The following STOX1 variants were observed in gnomAD, a reference collection of about 807,000 sequenced individuals.
STOX1 encodes storkhead box 1, also known as storkhead-box protein 1.
In STOX1, 57 loss-of-function variants were observed where a neutral mutation model predicts 74.8. The observed-to-expected ratio is 0.76, with a 90% CI of 0.62 to 0.95. The LOEUF is 0.95. Among genes scored for constraint, STOX1 ranks in the 40% least tolerant of loss-of-function variants. The pLI is 0.00. For missense variants in STOX1, 1,010 were observed against 1,117.0 expected, an observed-to-expected ratio of 0.90 and a Z score of 1.37; for synonymous variants, 375 against 401.3, an observed-to-expected ratio of 0.93 and a Z score of 0.78.
At chr10:68,838,318 C>T (rs1297918614) in intron 1 of STOX1, among the ~76,000 whole-genome samples, 2 of 152,052 alleles carry the variant, frequency 1.3e-5, no homozygotes, top group Admixed American at 6.6e-5. Flanking sequence ...TCTTCCGTCT[C>T]GGCCTCCCAA....
chr10:68,864,388 T>G (rs940268980), intron 1 of STOX1, among the ~76,000 whole-genome samples: 2 of 152,216 alleles, frequency 1.3e-5, no homozygotes, highest in African/African-American at 4.8e-5. Context: ...TTTCAAAAAT[T>G]GAAACAGTTT....
intron 1 of STOX1, chr10:68,828,965 G>A (rs1839337727): frequency 7.1e-6 from 7 of 985,358 alleles, no homozygotes; most frequent in Non-Finnish European, 6.0e-6. Flanking sequence ...CCCGTGAGTG[G>A]TCTCTGACTC....
intron 1 of STOX1, among the ~76,000 whole-genome samples, chr10:68,830,868 C>T (rs1433664248): frequency 1.3e-5 from 2 of 152,092 alleles, no homozygotes; most frequent in African/African-American, 2.4e-5. Context: ...CTTTGAATAG[C>T]GTTGCTAATT....
In STOX1 at chr10:68,885,673, C is replaced by T. The variant is rs1840929826; in HGVS notation, c.1877C>T (p.Ser626Phe). The change falls in exon 3 of 4, where the codon TCC becomes TTC. Residue 626 changes from serine (S) to phenylalanine (F), a missense_variant. Ser to Phe is a radical substitution (Grantham distance 155). Coordinates refer to ENST00000298596, the MANE Select transcript of STOX1 (RefSeq NM_152709.5). ...VIPEVLRKSH[S>F]HFDKLGETKQ... ...CCTGAAGTCTTGAGGAAAAGTCATT[C>T]CCACTTTGACAAATTAGGGGAGACC... is the stretch of plus-strand genomic sequence containing the variant. 1 of 1,613,956 alleles carries T rather than the reference C, an allele frequency of 6.2e-7. No homozygotes were observed. The highest frequency in any genetic ancestry group is 1.3e-5 in the African/African-American group (1 of 74,900).
chr10:68,873,743 C>T (rs1353852248), intron 1 of STOX1, among the ~76,000 whole-genome samples: 2 of 148,046 alleles, frequency 1.4e-5, no homozygotes, highest in African/African-American at 2.5e-5. Context: ...CTCCACCTCC[C>T]GGGTTCAAGC....
chr10:68,829,904 T>C (rs965230434), intron 1 of STOX1, among the ~76,000 whole-genome samples: 21 of 152,258 alleles, frequency 1.4e-4, no homozygotes, highest in African/African-American at 4.6e-4. Flanking sequence ...GAAAAACTCT[T>C]TTCAGTTCTG....
chr10:68,883,115 C>T (rs568957512), intron 2 of STOX1, among the ~76,000 whole-genome samples: 161 of 151,966 alleles, frequency 1.1e-3, no homozygotes, highest in African/African-American at 3.4e-3. Flanking sequence ...TGGTGGCTCA[C>T]GCCTGTAATC....
At chr10:68,848,362 C>G (rs1298556442) in intron 1 of STOX1, among the ~76,000 whole-genome samples, 1 of 152,192 alleles carries the variant, frequency 6.6e-6, no homozygotes, top group Non-Finnish European at 1.5e-5. Flanking sequence ...GCCACCTAAG[C>G]CCAGTGGCCT....
intron 1 of STOX1, among the ~76,000 whole-genome samples, chr10:68,845,506 C>G (rs188471767): frequency 1.4e-3 from 218 of 151,652 alleles, no homozygotes; most frequent in Middle Eastern, 0.01. Context: ...GATCTCCTGA[C>G]CTCGTGATCC....
rs764960002 is a variant in STOX1, at chr10:68,885,514, C to A, written c.1718C>A (p.Pro573His). Residue 573 changes from proline to histidine, a missense_variant, in exon 3 of 4, where the codon CCC becomes CAC. Physicochemically the swap from Pro to His is moderately conservative, Grantham distance 77. Transcript: ENST00000298596. ...TACATAAATGACCCTACTGTCAAAC[C>A]CATCAATGATGACTTCAGAGGTCAC... ...SIYINDPTVK[P>H]INDDFRGHLF... is the part of the protein sequence containing the mutation. 6.2e-7 allele frequency: 1 copy of A among 1,614,150 alleles called. No individual in the cohort carries two copies. Among genetic ancestry groups the A allele is most frequent in the South Asian group, 1.1e-5 (1 of 91,080 alleles).
At chr10:68,860,495 G>A (rs1246273324) in intron 1 of STOX1, among the ~76,000 whole-genome samples, 1 of 149,136 alleles carries the variant, frequency 6.7e-6, no homozygotes, top group African/African-American at 2.5e-5. Context: ...GCTTGAACCT[G>A]GGAGGCAGAG....
chr10:68,863,395 T>C (rs1369147616), intron 1 of STOX1, among the ~76,000 whole-genome samples: 1 of 151,738 alleles, frequency 6.6e-6, no homozygotes, highest in African/African-American at 2.4e-5. Flanking sequence ...TCTTCCTGGG[T>C]ATCTGGCTCA....
At chr10:68,834,448 A>T (rs576216578) in intron 1 of STOX1, among the ~76,000 whole-genome samples, 1 of 152,148 alleles carries the variant, frequency 6.6e-6, no homozygotes, top group Non-Finnish European at 1.5e-5. Flanking sequence ...GAGTGGTCTG[A>T]TTCCTATTCT....
intron 3 of STOX1, among the ~76,000 whole-genome samples, chr10:68,887,323 C>T (rs1162404887): frequency 1.3e-5 from 2 of 152,164 alleles, no homozygotes; most frequent in Non-Finnish European, 2.9e-5. Context: ...GTTCTTGTCA[C>T]CCAGGCTGGA....
chr10:68,869,064 C>T lies in STOX1; in HGVS notation c.311-12894C>T, dbSNP rs114149980. On this transcript the variant is annotated intron_variant, in intron 1 of 3. Transcript: ENST00000298596. ...CCGTGCTGCCTTAGTGGCCCAAGGC[C>T]CTATGAGGAACAGTCTGGCTCTTCT... Among the ~76,000 whole-genome samples the T allele has an allele frequency of 3.4e-3, 514 of 152,316 alleles. 6 individuals carry two copies. Among genetic ancestry groups the T allele is most frequent in the African/African-American group, 0.012 (487 of 41,574 alleles).
intron 1 of STOX1, among the ~76,000 whole-genome samples, chr10:68,833,170 C>T (rs762002459): frequency 6.7e-6 from 1 of 148,850 alleles, no homozygotes. Flanking sequence ...ACTGCAACCT[C>T]TGCTTCCCAG....
In STOX1 at chr10:68,884,352, A is replaced by G. The variant is rs1455187757; in HGVS notation, c.556A>G (p.Ile186Val). 3.7e-6 allele frequency: 6 copies of G among 1,614,036 alleles called. No individual in the cohort carries two copies. The highest frequency in any genetic ancestry group is 1.3e-5 in the African/African-American group (1 of 74,942). Residue 186 changes from isoleucine (I) to valine (V), a missense_variant, in exon 3 of 4, where the codon ATA becomes GTA. By Grantham distance (29) the Ile-to-Val change is conservative (BLOSUM62 3). Coordinates refer to ENST00000298596, the MANE Select transcript of STOX1 (RefSeq NM_152709.5). ...KIYHTGEGYFIVTPQTYFITN... is the reference protein window; with the variant it reads ...KIYHTGEGYFVVTPQTYFITN... ...TTATCACACTGGAGAAGGATACTTCATAGTTACTCCTCAGACTTACTTCAT... is the reference window on the plus strand; with the variant it reads ...TTATCACACTGGAGAAGGATACTTCGTAGTTACTCCTCAGACTTACTTCAT...
chr10:68,871,358 C>A (rs1236257622), intron 1 of STOX1, among the ~76,000 whole-genome samples: 1 of 152,140 alleles, frequency 6.6e-6, no homozygotes, highest in Non-Finnish European at 1.5e-5. Context: ...CCTCTGAGAC[C>A]CAACTGATAG....
At chr10:68,882,484 A>G (rs1840833650) in intron 2 of STOX1, among the ~76,000 whole-genome samples, 1 of 151,582 alleles carries the variant, frequency 6.6e-6, no homozygotes, top group South Asian at 2.1e-4. Flanking sequence ...TAAATTTTTC[A>G]TAACATAAAT....
Sources: gnomAD v4.1 joint callset for allele counts (sites outside exome capture counted in the v4.1 genomes callset) on GRCh38, gnomAD v4.1.1 for gene constraint, MANE v1.5 for transcripts, NCBI Gene and HGNC (gene_info 2026-07-23, HGNC 2026-07-21) for gene names.